CSNK1A1: variants seen among roughly 807,000 people sequenced by gnomAD.
CSNK1A1 encodes the protein casein kinase 1 alpha 1, also known as casein kinase I isoform alpha.
CSNK1A1 carries 7 observed loss-of-function variants against 46.1 expected under a neutral mutation model. That is an observed-to-expected ratio of 0.15 (90% CI 0.09 to 0.29). The LOEUF (loss-of-function observed/expected upper bound fraction) is 0.29. Ranked by LOEUF, CSNK1A1 falls within the 10% of genes least tolerant of loss-of-function variation. The pLI is 1.00. For missense variants in CSNK1A1, 96 were observed against 417.1 expected (o/e 0.23, Z 6.71); for synonymous variants, 137 against 141.5 (o/e 0.97, Z 0.23).
rs1487625041 is a variant in CSNK1A1, at chr5:149,495,607, T to G, written c.*1246A>C. On this transcript the variant is annotated 3_prime_UTR_variant, in exon 10 of 10. Coordinates refer to ENST00000377843, the MANE Select transcript of CSNK1A1 (RefSeq NM_001892.6). Reference sequence around the variant, plus strand: ...GCTTATAGCCATTTCAAAAGTATTTTAAAGAAAAATGTTTTGTAGGGAAAC... The same window carrying G: ...GCTTATAGCCATTTCAAAAGTATTTGAAAGAAAAATGTTTTGTAGGGAAAC... The G allele has an allele frequency of 1.3e-5, 2 of 152,330 alleles. No individual in the cohort carries two copies. The highest frequency in any genetic ancestry group is 4.8e-5 in the African/African-American group (2 of 41,402). The allele number at this position is 152,330 out of a possible 1,614,324, so 9.4% of individuals were successfully genotyped here. A position where few individuals can be genotyped will look rare whatever the true frequency, so the allele number is the denominator to read the frequency against.
At chr5:149,528,635 A>C (rs755970604) in intron 2 of CSNK1A1, among the ~76,000 whole-genome samples, 3 of 152,132 alleles carry the variant, frequency 2.0e-5, no homozygotes, top group South Asian at 2.1e-4. Context: ...CCCAACCTTA[A>C]AACCCAGATG....
rs1023846974 is a variant in CSNK1A1, at chr5:149,503,910, C to T, written c.1006+1537G>A. Reference sequence around the variant, plus strand: ...TGATCCTATTATCCCAGCTAGCTTTCGGCAAAATTGGTTTCATTTTGTGAG... The same window carrying T: ...TGATCCTATTATCCCAGCTAGCTTTTGGCAAAATTGGTTTCATTTTGTGAG... On this transcript the variant is annotated intron_variant, in intron 9 of 9. Transcript: ENST00000377843. The T allele has an allele frequency of 5.1e-6, 5 of 985,368 alleles. No homozygotes were observed. In the South Asian group the frequency reaches 1.4e-4, roughly 28 times the overall value. The allele number at this position is 985,368 out of a possible 1,614,324, so 61.0% of individuals were successfully genotyped here. A position where few individuals can be genotyped will look rare whatever the true frequency, so the allele number is the denominator to read the frequency against.
intron 4 of CSNK1A1, among the ~76,000 whole-genome samples, chr5:149,516,493 G>A (rs1460142300): frequency 6.6e-6 from 1 of 150,712 alleles, no homozygotes; most frequent in African/African-American, 2.4e-5. Flanking sequence ...TTCCTAACCA[G>A]GGGTCATAAT....
chr5:149,513,329 A>G (rs1028585643), intron 4 of CSNK1A1, 120 bp from the exon 5 acceptor site: 2 of 952,556 alleles, frequency 2.1e-6, no homozygotes, highest in African/African-American at 3.3e-5. Context: ...TATCCTAAGT[A>G]TTAATAGAAC....
chr5:149,538,014 GTTTTTTT>G (rs890909710), intron 2 of CSNK1A1, among the ~76,000 whole-genome samples: 1 of 85,730 alleles, frequency 1.2e-5, no homozygotes, highest in Non-Finnish European at 2.1e-5. Flanking sequence ...AGTGTGCCCA[GTTTTTTT>G]TTTTTTTTTT....
At chr5:149,497,355 A>G in intron 9 of CSNK1A1, 4 of 986,548 alleles carry the variant, frequency 4.1e-6, no homozygotes, top group Non-Finnish European at 4.8e-6. Context: ...AGACCTGAGA[A>G]GCATGTAATT....
chr5:149,539,068 A>G (rs1189316628), intron 2 of CSNK1A1, among the ~76,000 whole-genome samples: 2 of 152,214 alleles, frequency 1.3e-5, no homozygotes, highest in Non-Finnish European at 2.9e-5. Flanking sequence ...TCTAGAATGC[A>G]TTATTGTAGG....
intron 7 of CSNK1A1, among the ~76,000 whole-genome samples, chr5:149,508,506 G>A (rs1761108579): frequency 6.6e-6 from 1 of 152,100 alleles, no homozygotes; most frequent in Non-Finnish European, 1.5e-5. Flanking sequence ...AGACCATATG[G>A]CCTTCTTTTT....
chr5:149,538,014 G>GTTTTTTTTTTTT (rs890909710), intron 2 of CSNK1A1, among the ~76,000 whole-genome samples: 2 of 85,730 alleles, frequency 2.3e-5, no homozygotes, highest in Non-Finnish European at 4.1e-5. Flanking sequence ...AGTGTGCCCA[G>GTTTTTTTTTTTT]TTTTTTTTTT....
intron 4 of CSNK1A1, among the ~76,000 whole-genome samples, chr5:149,516,063 T>C (rs919460564): frequency 6.6e-6 from 1 of 152,214 alleles, no homozygotes; most frequent in Non-Finnish European, 1.5e-5. Flanking sequence ...CTCATGCCTA[T>C]AACGCCAGCA....
chr5:149,501,619 G>C, intron 9 of CSNK1A1: 1 of 985,174 alleles, frequency 1.0e-6, no homozygotes, highest in Non-Finnish European at 1.2e-6. Flanking sequence ...ACTCTGCTTA[G>C]TAACTATGGT....
intron 3 of CSNK1A1, 107 bp from the exon 4 acceptor site, chr5:149,520,495 G>C (rs1414204815): frequency 3.1e-6 from 2 of 637,530 alleles, no homozygotes; most frequent in Non-Finnish European, 5.4e-6. Flanking sequence ...CAAAGACAGC[G>C]CTAAAGAAAA....
intron 3 of CSNK1A1, among the ~76,000 whole-genome samples, chr5:149,523,665 G>C (rs1696321068): frequency 6.6e-6 from 1 of 152,236 alleles, no homozygotes; most frequent in Non-Finnish European, 1.5e-5. Flanking sequence ...CTAATCCTTG[G>C]AATTATAGAC....
chr5:149,545,835 G>A (rs186913186), intron 2 of CSNK1A1: 9 of 398,916 alleles, frequency 2.3e-5, no homozygotes, highest in Admixed American at 1.1e-4. Context: ...CAAGTGCCTA[G>A]AACCGGAAGC....
chr5:149,506,942 AG>A, intron 8 of CSNK1A1, 84 bp downstream of exon 8: 1 of 980,146 alleles, frequency 1.0e-6, no homozygotes, highest in African/African-American at 1.6e-5. Flanking sequence ...GCTTTACTTT[AG>A]TATTTATCAG....
At chr5:149,546,153 C>T (rs1013950746) in intron 2 of CSNK1A1, among the ~76,000 whole-genome samples, 4 of 151,572 alleles carry the variant, frequency 2.6e-5, no homozygotes, top group South Asian at 2.1e-4. Flanking sequence ...CTGCCCACCT[C>T]GGCCTCCCAA....
At position 149,493,855 on chromosome 5, in the gene CSNK1A1, G is replaced by A. The variant is rs1760586667; in HGVS notation, c.*2998C>T. ...CATCTTGATTTACATGGTTATAACTGCTTAAAAACTGGCAAAGAGAAAACC... is the reference window on the plus strand; with the variant it reads ...CATCTTGATTTACATGGTTATAACTACTTAAAAACTGGCAAAGAGAAAACC... On this transcript the variant is annotated 3_prime_UTR_variant, in exon 10 of 10. Coordinates refer to ENST00000377843, the MANE Select transcript of CSNK1A1 (RefSeq NM_001892.6). 6.6e-6 allele frequency: 1 copy of A among 152,116 alleles called. No individual in the cohort carries two copies. Among genetic ancestry groups the A allele is most frequent in the African/African-American group, 2.4e-5 (1 of 41,426 alleles). The allele number at this position is 152,116 out of a possible 1,614,324, so 9.4% of individuals were successfully genotyped here.
chr5:149,526,206 C>T (rs922200276), intron 2 of CSNK1A1, among the ~76,000 whole-genome samples: 3 of 152,114 alleles, frequency 2.0e-5, no homozygotes, highest in Non-Finnish European at 4.4e-5. Context: ...TGGCAAATCA[C>T]AACTCCTGCA....
chr5:149,531,060 A>T (rs1297615027), intron 2 of CSNK1A1, among the ~76,000 whole-genome samples: 1 of 151,496 alleles, frequency 6.6e-6, no homozygotes, highest in Non-Finnish European at 1.5e-5. Context: ...ATACATTCAT[A>T]TTTGTATATG....
Sources: allele counts gnomAD v4.1 joint callset (sites outside exome capture counted in the v4.1 genomes callset), GRCh38; gene constraint gnomAD v4.1.1; transcripts MANE v1.5; gene names NCBI Gene and HGNC (gene_info 2026-07-23, HGNC 2026-07-21).